The following ZFPM2 variants were observed in gnomAD, a reference collection of about 807,000 sequenced individuals.
ZFPM2 encodes the protein zinc finger protein, FOG family member 2, also known as zinc finger protein ZFPM2.
A neutral mutation model predicts 98.6 loss-of-function variants in ZFPM2; 20 were observed. The ratio of observed to expected loss-of-function variants is 0.20; its 90% CI spans 0.14 to 0.29. The LOEUF (loss-of-function observed/expected upper bound fraction) is 0.29. ZFPM2 is among the 10% of genes least tolerant of loss of function. The pLI is 1.00. For synonymous variants in ZFPM2, 518 were observed against 502.7 expected, an observed-to-expected ratio of 1.03 and a Z score of -0.41; for missense variants, 1,310 against 1,388.6, an observed-to-expected ratio of 0.94 and a Z score of 0.90.
chr8:105,565,662 A>T lies in ZFPM2; in HGVS notation c.420+4181A>T, dbSNP rs535091929. ...GCTTATAGGAATTTTGGACTAAATG[A>T]GATAGCATATGTGAGTTATCCACAC... is the stretch of plus-strand genomic sequence containing the variant. On this transcript the variant is annotated intron_variant, in intron 4 of 7. Coordinates refer to ENST00000407775, the MANE Select transcript of ZFPM2 (RefSeq NM_012082.4). Among the ~76,000 whole-genome samples, 26 of 152,292 alleles carry T rather than the reference A, an allele frequency of 1.7e-4. No homozygotes were observed. The South Asian group carries it at 5.4e-3, about 32-fold the overall frequency.
chr8:105,676,464 A>G (rs1448196288), intron 5 of ZFPM2, among the ~76,000 whole-genome samples: 3 of 152,180 alleles, frequency 2.0e-5, no homozygotes, highest in Non-Finnish European at 2.9e-5. Context: ...TTAAACACAT[A>G]GAAGAGAAAT....
At chr8:105,734,046 G>T (rs1812012024) in intron 5 of ZFPM2, among the ~76,000 whole-genome samples, 1 of 151,796 alleles carries the variant, frequency 6.6e-6, no homozygotes, top group Non-Finnish European at 1.5e-5. Context: ...AGTCTATCAT[G>T]GTATACTGCC....
intron 3 of ZFPM2, among the ~76,000 whole-genome samples, chr8:105,520,745 G>T (rs540333621): frequency 6.6e-6 from 1 of 152,116 alleles, no homozygotes; most frequent in Admixed American, 6.6e-5. Context: ...GGAATAGGTG[G>T]TTTTTGAGGT....
At chr8:105,359,367 C>CTTTTT (rs111675257) in intron 1 of ZFPM2, among the ~76,000 whole-genome samples, 15 of 135,336 alleles carry the variant, frequency 1.1e-4, no homozygotes, top group Middle Eastern at 3.7e-3. Flanking sequence ...CTTTTTCTTT[C>CTTTTT]TTTTTTTTTT....
At chr8:105,744,208 A>G (rs1812290498) in intron 5 of ZFPM2, among the ~76,000 whole-genome samples, 1 of 152,090 alleles carries the variant, frequency 6.6e-6, no homozygotes, top group Admixed American at 6.6e-5. Context: ...TCAACTCTTT[A>G]TCATTCTTTT....
chr8:105,610,731 C>T (rs1196295824), intron 4 of ZFPM2, among the ~76,000 whole-genome samples: 4 of 151,986 alleles, frequency 2.6e-5, no homozygotes, highest in East Asian at 3.9e-4. Context: ...CGTTGAAGTC[C>T]GAAATTCATC....
rs376392532 is a variant in ZFPM2 at position 105,801,246 on chromosome 8, C to T, written c.1164C>T (p.Ser388=). 3.5e-5 allele frequency: 56 copies of T among 1,613,944 alleles called. No homozygotes were observed. In the Admixed American group the frequency reaches 4.5e-4, roughly 13 times the overall value. The change falls in exon 8 of 8, where the codon AGC becomes AGT. Residue 388 remains serine (S), a synonymous_variant. Transcript: ENST00000407775. The part of the protein sequence containing the change: ...LLQHQELHVP[S]GKLPRESDME... ...AGCACCAGGAGCTCCATGTCCCTAG[C>T]GGCAAACTTCCCAGAGAAAGTGACA... is the stretch of plus-strand genomic sequence containing the variant.
At chr8:105,584,570 A>G (rs910332695) in intron 4 of ZFPM2, among the ~76,000 whole-genome samples, 2 of 152,330 alleles carry the variant, frequency 1.3e-5, no homozygotes, top group African/African-American at 4.8e-5. Context: ...AGTACTTCAC[A>G]GTCCAACAAG....
At chr8:105,694,865 A>G (rs1810978202) in intron 5 of ZFPM2, among the ~76,000 whole-genome samples, 3 of 152,184 alleles carry the variant, frequency 2.0e-5, no homozygotes, top group African/African-American at 4.8e-5. Flanking sequence ...CAAATTTCAA[A>G]CATACATCTT....
chr8:105,580,422 A>G lies in ZFPM2; in HGVS notation c.420+18941A>G, dbSNP rs145376876. On this transcript the variant is annotated intron_variant, in intron 4 of 7. Coordinates refer to ENST00000407775, the MANE Select transcript of ZFPM2 (RefSeq NM_012082.4). ...CAGTACTTTTTCTAGGAAAAATACA[A>G]GGTACAAATGTAGTTGCATCATAAA... 5.3e-5 allele frequency among the ~76,000 whole-genome samples: 8 copies of G among 152,272 alleles called. No homozygotes were observed. The East Asian group carries it at 1.5e-3, about 29-fold the overall frequency.
At chr8:105,528,395 A>G (rs1397655581) in intron 3 of ZFPM2, among the ~76,000 whole-genome samples, 1 of 152,100 alleles carries the variant, frequency 6.6e-6, no homozygotes, top group Non-Finnish European at 1.5e-5. Context: ...TAAACTCTGA[A>G]GGGTCATTAG....
At chr8:105,794,848 A>G (rs56852898) in intron 6 of ZFPM2, among the ~76,000 whole-genome samples, 1 of 152,228 alleles carries the variant, frequency 6.6e-6, no homozygotes, top group East Asian at 1.9e-4. Flanking sequence ...CTGTGCTAGC[A>G]ATCAGTGAGG....
At chr8:105,664,802 T>C (rs1817459337) in intron 5 of ZFPM2, among the ~76,000 whole-genome samples, 2 of 152,174 alleles carry the variant, frequency 1.3e-5, no homozygotes, top group Non-Finnish European at 1.5e-5. Flanking sequence ...TTATCAGTTA[T>C]GTTTTGGAAG....
At chr8:105,383,477 T>C (rs1810927309) in intron 1 of ZFPM2, among the ~76,000 whole-genome samples, 2 of 152,210 alleles carry the variant, frequency 1.3e-5, no homozygotes, top group African/African-American at 2.4e-5. Flanking sequence ...TCTGTTTTAA[T>C]ATATTTATGT....
rs1409424269 is a variant in ZFPM2 at position 105,801,635 on chromosome 8, C to A, written c.1553C>A (p.Ala518Asp). The A allele has an allele frequency of 6.2e-7, 1 of 1,613,688 alleles. No homozygotes were observed. Among genetic ancestry groups the A allele is most frequent in the Non-Finnish European group, 8.5e-7 (1 of 1,179,854 alleles). ...TMVPQASEIL[A>D]KMSELVHRRL... The stretch of plus-strand genomic sequence containing the variant: ...GTCCCTCAAGCTTCAGAGATCTTAG[C>A]TAAGATGTCTGAACTGGTGCATCGG... The change falls in exon 8 of 8, where the codon GCT becomes GAT. Residue 518 changes from alanine to aspartate, a missense_variant. Transcript: ENST00000407775.
At chr8:105,494,183 G>GTATATATA (rs61035457) in intron 3 of ZFPM2, among the ~76,000 whole-genome samples, 1,312 of 59,862 alleles carry the variant, frequency 0.022, 75 homozygotes, top group East Asian at 0.025. Flanking sequence ...GCCACCAAAA[G>GTATATATA]TATATATATA....
At chr8:105,355,093 A>G (rs963712227) in intron 1 of ZFPM2, among the ~76,000 whole-genome samples, 1 of 152,212 alleles carries the variant, frequency 6.6e-6, no homozygotes, top group Non-Finnish European at 1.5e-5. Context: ...TAACATGAGA[A>G]TTTATTCACG....
intron 4 of ZFPM2, among the ~76,000 whole-genome samples, chr8:105,564,178 C>G (rs950182661): frequency 1.2e-4 from 18 of 151,592 alleles, no homozygotes; most frequent in African/African-American, 4.1e-4. Context: ...TTTTAAAAGG[C>G]GTTAACTTAT....
At chr8:105,499,769 T>C (rs1158252428) in intron 3 of ZFPM2, among the ~76,000 whole-genome samples, 3 of 152,172 alleles carry the variant, frequency 2.0e-5, no homozygotes, top group Non-Finnish European at 4.4e-5. Flanking sequence ...CAGGAGTTTT[T>C]ACTAATAGCA....
Sources: allele counts gnomAD v4.1 joint callset (sites outside exome capture counted in the v4.1 genomes callset), GRCh38; gene constraint gnomAD v4.1.1; transcripts MANE v1.5; gene names NCBI Gene and HGNC (gene_info 2026-07-23, HGNC 2026-07-21).